Variants in RMDN1 observed in about 807,000 individuals in gnomAD.
RMDN1 encodes the protein regulator of microtubule dynamics 1.
In RMDN1, 48 loss-of-function variants were observed where a neutral mutation model predicts 48.9. The observed-to-expected ratio is 0.98, with a 90% confidence interval of 0.78 to 1.25. RMDN1 has a LOEUF of 1.25. RMDN1 is among the 50% of genes most tolerant of loss of function. The pLI is 0.00. For synonymous variants in RMDN1, 148 were observed against 132.6 expected (o/e 1.12, Z -0.80); for missense variants, 418 against 373.4 (o/e 1.12, Z -0.98).
chr8:86,474,119 C>T lies in RMDN1; in HGVS notation c.*189G>A. The T allele has an allele frequency of 1.5e-6, 2 of 1,305,940 alleles. No individual in the cohort carries two copies. Among genetic ancestry groups the T allele is most frequent in the Non-Finnish European group, 9.7e-7 (1 of 1,028,124 alleles). The allele number at this position is 1,305,940 out of a possible 1,614,324, so 80.9% of individuals were successfully genotyped here. ...CCTGAGCCATGGAGATTTATTTCTA[C>T]CACTCTTATGGCGATTATTTATTTT... On this transcript the variant is annotated 3_prime_UTR_variant, in exon 10 of 10. Transcript: ENST00000406452.
chr8:86,500,531 A>T (rs1231418137), intron 2 of RMDN1, among the ~76,000 whole-genome samples: 2 of 80,082 alleles, frequency 2.5e-5, no homozygotes, highest in Non-Finnish European at 5.4e-5. Flanking sequence ...AAAAATAATT[A>T]AAAAAAAAAA....
intron 2 of RMDN1, chr8:86,504,879 T>G: frequency 9.2e-7 from 1 of 1,083,490 alleles, no homozygotes; most frequent in Non-Finnish European, 1.4e-6. Flanking sequence ...TTTTATTATC[T>G]TCGCCAGCTT....
In RMDN1 at chr8:86,473,650, C is replaced by T. The variant is rs559049525; in HGVS notation, c.*658G>A. On this transcript the variant is annotated 3_prime_UTR_variant, in exon 10 of 10. Coordinates refer to ENST00000406452, the MANE Select transcript of RMDN1 (RefSeq NM_016033.3). ...GTGTGGTGGTACAACCCTGTAATCC[C>T]AGCCACTCAGGAGGCTAAGGCAGGA... 1.1e-5 allele frequency: 4 copies of T among 355,438 alleles called. No individual in the cohort carries two copies. In the South Asian group the frequency reaches 4.6e-4, roughly 41 times the overall value. 22.0% of individuals were successfully genotyped at this position (355,438 alleles called of 1,614,324 possible).
Position 86,490,291 on chromosome 8 carries a change from T to C in RMDN1, c.248-1652A>G, listed in dbSNP as rs139833993. ...TTACATGTCAACGGTGAACTGTAGATAGAATTAAGGCTGCTAATCAGCTAA... is the reference window on the plus strand; with the variant it reads ...TTACATGTCAACGGTGAACTGTAGACAGAATTAAGGCTGCTAATCAGCTAA... On this transcript the variant is annotated intron_variant, in intron 2 of 9. Coordinates refer to ENST00000406452, the MANE Select transcript of RMDN1 (RefSeq NM_016033.3). 2.2e-3 allele frequency among the ~76,000 whole-genome samples: 335 copies of C among 152,288 alleles called. 3 individuals carry two copies. The highest frequency in any genetic ancestry group is 7.5e-3 in the African/African-American group (313 of 41,530).
At chr8:86,503,327 G>A (rs1818601174) in intron 2 of RMDN1, among the ~76,000 whole-genome samples, 1 of 144,974 alleles carries the variant, frequency 6.9e-6, no homozygotes, top group Non-Finnish European at 1.5e-5. Context: ...ACTCCAGCCT[G>A]AGCAATAGAG....
At chr8:86,496,047 T>G (rs976766500) in intron 2 of RMDN1, among the ~76,000 whole-genome samples, 4 of 152,170 alleles carry the variant, frequency 2.6e-5, no homozygotes, top group Non-Finnish European at 1.5e-5. Flanking sequence ...CATATCCAGC[T>G]AAACTAAGTT....
Position 86,484,883 on chromosome 8 carries a change from C to A in RMDN1, c.574G>T (p.Glu192Ter). The A allele has an allele frequency of 6.3e-7, 1 of 1,586,428 alleles. No homozygotes were observed. Among genetic ancestry groups the A allele is most frequent in the Non-Finnish European group, 8.6e-7 (1 of 1,159,832 alleles). Reference protein sequence around the residue: ...AKIANAYIIKEHFEKAIELNP... With the variant: ...AKIANAYIIK ...TAATTCATCAGTACCTCAAAATGCTCCTTGATGATATATGCATTTGCAATT... is the reference window on the plus strand; with the variant it reads ...TAATTCATCAGTACCTCAAAATGCTACTTGATGATATATGCATTTGCAATT... The change falls in exon 5 of 10, where the codon GAG (glutamate) becomes TAG (stop). Residue 192 changes from glutamate to a stop codon, truncating the protein, a stop_gained. Transcript: ENST00000406452. LOFTEE classifies it high-confidence loss of function.
chr8:86,491,175 G>A (rs1001667425), intron 2 of RMDN1, among the ~76,000 whole-genome samples: 7 of 151,134 alleles, frequency 4.6e-5, no homozygotes, highest in Non-Finnish European at 8.8e-5. Context: ...TCACTCTGTC[G>A]TCAGGCTGGA....
At chr8:86,489,697 G>T (rs182998916) in intron 2 of RMDN1, among the ~76,000 whole-genome samples, 1 of 152,070 alleles carries the variant, frequency 6.6e-6, no homozygotes, top group Non-Finnish European at 1.5e-5. Flanking sequence ...GGGCGTGATG[G>T]CGTGCGCCTG....
Position 86,513,864 on chromosome 8 carries a change from T to C in RMDN1, c.-4+378A>G, listed in dbSNP as rs201717389. The stretch of plus-strand genomic sequence containing the variant: ...AATTTGTCTTGGTAACTTTTTTTTT[T>C]TTTTTTAAGACAGGGTCTGTTTGTC... On this transcript the variant is annotated intron_variant, in intron 1 of 9. Transcript: ENST00000523911. 3.2e-4 allele frequency among the ~76,000 whole-genome samples: 48 copies of C among 152,300 alleles called. 2 individuals are homozygous for C. The East Asian group carries it at 8.5e-3, about 27-fold the overall frequency.
At chr8:86,489,784 C>T (rs1365646559) in intron 2 of RMDN1, among the ~76,000 whole-genome samples, 2 of 149,044 alleles carry the variant, frequency 1.3e-5, no homozygotes, top group African/African-American at 2.5e-5. Context: ...GAGCCATGAT[C>T]GCTCCACTGC....
At chr8:86,503,940 C>G (rs1408064261) in intron 2 of RMDN1, 1 of 747,718 alleles carries the variant, frequency 1.3e-6, no homozygotes, top group Admixed American at 1.8e-5. Context: ...AAATGCTGAC[C>G]CTGGGCTGCT....
chr8:86,468,718 C>CA (rs1474876877), downstream of RMDN1: 5 of 456,034 alleles, frequency 1.1e-5, no homozygotes, highest in Non-Finnish European at 1.8e-5. Context: ...CTACAAGAGA[C>CA]AAAACCAGCT....
upstream of RMDN1, among the ~76,000 whole-genome samples, chr8:86,509,420 A>G (rs927868043): frequency 6.6e-6 from 1 of 152,144 alleles, no homozygotes; most frequent in African/African-American, 2.4e-5. Flanking sequence ...TTGTGGGAAA[A>G]TGAAGAAATT....
At chr8:86,499,021 G>A (rs1157019914) in intron 2 of RMDN1, among the ~76,000 whole-genome samples, 1 of 151,934 alleles carries the variant, frequency 6.6e-6, no homozygotes, top group Non-Finnish European at 1.5e-5. Flanking sequence ...ATTCAACATC[G>A]CTTTACCTTA....
Position 86,474,859 on chromosome 8 carries a change from T to C in RMDN1, c.855A>G (p.Lys285=), listed in dbSNP as rs186687352. 6.2e-7 allele frequency: 1 copy of C among 1,613,022 alleles called. No individual in the cohort carries two copies. Among genetic ancestry groups the C allele is most frequent in the East Asian group, 2.2e-5 (1 of 44,834 alleles). The change falls in exon 9 of 10, where the codon AAA becomes AAG. Residue 285 remains lysine, a synonymous_variant. Coordinates refer to ENST00000406452, the MANE Select transcript of RMDN1 (RefSeq NM_016033.3). ...NKKLAAFWLM[K]AKDYPAHTEE... is the part of the protein sequence containing the mutation. ...CTGTGTGTGCTGGATAGTCCTTGGC[T>C]TTCATTAGCCAGAAAGCAGCAAGCT...
chr8:86,503,366 C>CAAAAAAAAAAAAAAAA lies in RMDN1; in HGVS notation c.247+3628_247+3629insTTTTTTTTTTTTTTTT, dbSNP rs1354324383. 7.4e-4 allele frequency among the ~76,000 whole-genome samples: 52 copies of CAAAAAAAAAAAAAAAA among 70,392 alleles called. 3 individuals carry two copies. Among genetic ancestry groups the CAAAAAAAAAAAAAAAA allele is most frequent in the Non-Finnish European group, 1.5e-3 (42 of 27,814 alleles). 46.2% of individuals were successfully genotyped at this position (70,392 alleles called of 152,430 possible). Reference sequence around the variant, plus strand: ...GACTCCGTCTCAAAACAAAACAAAACAAAACAAAAAAAAAAAAAAAAAACA... The same window carrying CAAAAAAAAAAAAAAAA: ...GACTCCGTCTCAAAACAAAACAAAACAAAAAAAAAAAAAAAAAAAACAAAAAAAAAAAAAAAAAACA... On this transcript the variant is annotated intron_variant, in intron 2 of 9. Transcript: ENST00000406452.
At chr8:86,513,383 T>A (rs1395934955), upstream of RMDN1, among the ~76,000 whole-genome samples, 1 of 152,110 alleles carries the variant, frequency 6.6e-6, no homozygotes, top group Non-Finnish European at 1.5e-5. Context: ...CTCAAAAAAA[T>A]AAAAATAAAA....
chr8:86,495,346 G>A (rs1251750546), intron 2 of RMDN1, among the ~76,000 whole-genome samples: 1 of 152,148 alleles, frequency 6.6e-6, no homozygotes, highest in African/African-American at 2.4e-5. Flanking sequence ...GAGACCCTAA[G>A]ACCCCTCCAA....
Sources: allele counts gnomAD v4.1 joint callset (sites outside exome capture counted in the v4.1 genomes callset), GRCh38; gene constraint gnomAD v4.1.1; transcripts MANE v1.5; gene names NCBI Gene and HGNC (gene_info 2026-07-23, HGNC 2026-07-21).